Variants in AMMECR1 observed in about 807,000 individuals in gnomAD.
The protein encoded by AMMECR1 is nuclear protein AMMECR1.
AMMECR1 carries 3 observed loss-of-function variants against 22.5 expected under a neutral mutation model. The observed-to-expected ratio is 0.13, with a 90% CI of 0.06 to 0.35. AMMECR1 has a LOEUF of 0.35. AMMECR1 is among the 10% of genes least tolerant of loss of function. The pLI, the probability that AMMECR1 is intolerant of heterozygous loss-of-function variation, is 1.00. For synonymous variants in AMMECR1, 130 were observed against 116.7 expected (o/e 1.11, Z -0.74); for missense variants, 235 against 278.7 (o/e 0.84, Z 1.12).
intron 2 of AMMECR1, among the ~76,000 whole-genome samples, chrX:110,248,125 C>T (rs2067668552): frequency 1.8e-5 from 2 of 111,846 alleles, no homozygotes; most frequent in South Asian, 3.8e-4. Flanking sequence ...GTGGCTCACA[C>T]CTGAAATCCC....
intron 1 of AMMECR1, among the ~76,000 whole-genome samples, chrX:110,278,148 T>C (rs1414241857): frequency 8.9e-6 from 1 of 111,972 alleles, no homozygotes; most frequent in Non-Finnish European, 1.9e-5. Context: ...GCCATATCTA[T>C]AGAAGGACAG....
At chrX:110,389,300 A>G (rs16985974) in intron 2 of AMMECR1, among the ~76,000 whole-genome samples, 12,899 of 112,260 alleles carry the variant, frequency 0.11, 1,271 homozygotes, top group African/African-American at 0.33. Context: ...TTTTTTGTAA[A>G]ATGTTGTTTA....
chrX:110,280,662 C>T lies in AMMECR1; in HGVS notation c.474-16063G>A, dbSNP rs181732638. The stretch of plus-strand genomic sequence containing the variant: ...AAAATAAATATCATACACAATCTCA[C>T]TACCCAAAGAAAATGAAAATGTATA... On this transcript the variant is annotated intron_variant, in intron 1 of 5. Coordinates refer to ENST00000262844, the MANE Select transcript of AMMECR1 (RefSeq NM_015365.3). Among the ~76,000 whole-genome samples the T allele has an allele frequency of 3.9e-3, 437 of 111,583 alleles. 1 individual carries two copies. The highest frequency in any genetic ancestry group is 6.6e-3 in the Non-Finnish European group (348 of 52,979).
intron 2 of AMMECR1, among the ~76,000 whole-genome samples, chrX:110,261,801 T>A (rs562175033): frequency 8.9e-6 from 1 of 111,736 alleles, no homozygotes; most frequent in South Asian, 3.7e-4. Context: ...ATGACAAAGC[T>A]GCAAAACATA....
At chrX:110,273,974 T>C (rs759590129) in intron 1 of AMMECR1, among the ~76,000 whole-genome samples, 114 of 112,258 alleles carry the variant, frequency 1.0e-3, no homozygotes, top group Non-Finnish European at 1.9e-3. Context: ...CATGGTCTTT[T>C]TTTGTTCCAT....
At chrX:110,235,573 T>C (rs754535085) in intron 2 of AMMECR1, among the ~76,000 whole-genome samples, 1 of 112,354 alleles carries the variant, frequency 8.9e-6, no homozygotes, top group Non-Finnish European at 1.9e-5. Context: ...TAAATGTCCA[T>C]CACTGATAGA....
At chrX:110,362,403 A>G (rs1191116894) in intron 2 of AMMECR1, among the ~76,000 whole-genome samples, 2 of 112,050 alleles carry the variant, frequency 1.8e-5, no homozygotes, top group African/African-American at 6.5e-5. Flanking sequence ...AACAATAATA[A>G]CTCAAATACT....
chrX:110,412,713 G>A (rs1443663765), intron 2 of AMMECR1, among the ~76,000 whole-genome samples: 1 of 112,343 alleles, frequency 8.9e-6, no homozygotes, highest in East Asian at 2.8e-4. Context: ...ATAAAGACAA[G>A]CTAGATCTTT....
intron 1 of AMMECR1, among the ~76,000 whole-genome samples, chrX:110,284,058 G>A (rs1033249153): frequency 1.5e-4 from 17 of 111,182 alleles, no homozygotes; most frequent in African/African-American, 4.6e-4. Flanking sequence ...CCCAGGAGGC[G>A]GCGGTTGCGG....
Position 110,264,472 on chromosome X carries a change from C to A in AMMECR1, c.584+17G>T. The A allele has an allele frequency of 2.9e-6, 3 of 1,050,684 alleles. No individual in the cohort carries two copies. Among genetic ancestry groups the A allele is most frequent in the Non-Finnish European group, 3.9e-6 (3 of 775,097 alleles). 86.6% of individuals were successfully genotyped at this position (1,050,684 alleles called of 1,213,427 possible). A position where few individuals can be genotyped will look rare whatever the true frequency, so the allele number is the denominator to read the frequency against. On this transcript the variant is annotated intron_variant, in intron 2 of 5. Transcript: ENST00000262844. ...TTTTTTAATGTAAAAGCAGAGGTAA[C>A]AAAAATTGGTCTTCACCTGGTAAGT...
intron 2 of AMMECR1, among the ~76,000 whole-genome samples, chrX:110,257,765 T>A (rs2067718228): frequency 8.9e-6 from 1 of 111,746 alleles, no homozygotes; most frequent in Non-Finnish European, 1.9e-5. Flanking sequence ...CGTCCTCTGC[T>A]TCTTGAGAAA....
Position 110,363,127 on chromosome X carries a change from G to T in AMMECR1, c.-147-45278C>A, listed in dbSNP as rs185072183. 3.6e-5 allele frequency among the ~76,000 whole-genome samples: 4 copies of T among 111,969 alleles called. No homozygotes were observed. In the Admixed American group the frequency reaches 3.8e-4, roughly 11 times the overall value. ...GGCAGTACCTACAAAGATGAATAGG[G>T]CATGATCTCCTTGGCCTTCCAGAGG... is the stretch of plus-strand genomic sequence containing the variant. On this transcript the variant is annotated intron_variant, in intron 2 of 7. Transcript: ENST00000372057.
At chrX:110,408,898 A>G (rs1488819499) in intron 2 of AMMECR1, among the ~76,000 whole-genome samples, 2 of 112,003 alleles carry the variant, frequency 1.8e-5, no homozygotes, top group East Asian at 5.5e-4. Context: ...TTTTGAACTT[A>G]TGCGTGTAGG....
intron 2 of AMMECR1, among the ~76,000 whole-genome samples, chrX:110,324,132 G>A (rs149743060): frequency 0.1 from 10,983 of 108,670 alleles, 565 homozygotes; most frequent in Non-Finnish European, 0.16. Flanking sequence ...AAGTAGCTGG[G>A]ACTACAGGTG....
At chrX:110,400,789 T>C (rs1228181660) in intron 2 of AMMECR1, among the ~76,000 whole-genome samples, 1 of 111,707 alleles carries the variant, frequency 9.0e-6, no homozygotes, top group Non-Finnish European at 1.9e-5. Context: ...CCCACTTGAA[T>C]GTGAGCCCCT....
At chrX:110,273,414 A>G (rs981428779) in intron 1 of AMMECR1, among the ~76,000 whole-genome samples, 46 of 111,849 alleles carry the variant, frequency 4.1e-4, no homozygotes, top group African/African-American at 1.5e-3. Context: ...TGTCAGAAGC[A>G]TAATTTGCAA....
chrX:110,237,377 T>C (rs1417028551), intron 2 of AMMECR1, among the ~76,000 whole-genome samples: 1 of 110,815 alleles, frequency 9.0e-6, no homozygotes, highest in Non-Finnish European at 1.9e-5. Context: ...GATGGAGGAC[T>C]TGTTGAAAAT....
At chrX:110,353,590 T>C (rs1443476142) in intron 2 of AMMECR1, among the ~76,000 whole-genome samples, 1 of 111,444 alleles carries the variant, frequency 9.0e-6, no homozygotes, top group Non-Finnish European at 1.9e-5. Flanking sequence ...CAGGAACATA[T>C]TGTTTTGTTC....
intron 2 of AMMECR1, among the ~76,000 whole-genome samples, chrX:110,410,757 G>A (rs976219674): frequency 1.4e-4 from 15 of 111,008 alleles, no homozygotes; most frequent in Non-Finnish European, 2.6e-4. Context: ...GTCACCTGTC[G>A]TTTCAAGATA....
Sources: allele counts gnomAD v4.1 joint callset (sites outside exome capture counted in the v4.1 genomes callset), GRCh38; gene constraint gnomAD v4.1.1; transcripts MANE v1.5; gene names NCBI Gene and HGNC (gene_info 2026-07-23, HGNC 2026-07-21).